GPR158: variants seen among roughly 807,000 people sequenced by gnomAD.
GPR158 encodes G protein-coupled receptor 158, also known as metabotropic glycine receptor.
In GPR158, 30 loss-of-function variants were observed where a neutral mutation model predicts 78.2. That is an observed-to-expected ratio of 0.38 (90% CI 0.29 to 0.52). GPR158 has a LOEUF of 0.52. Among genes scored for constraint, GPR158 ranks in the 20% least tolerant of loss-of-function variants. GPR158 has a pLI of 0.83. For missense variants in GPR158, 1,463 were observed against 1,523.5 expected, an observed-to-expected ratio of 0.96 and a Z score of 0.66; for synonymous variants, 581 against 591.1, an observed-to-expected ratio of 0.98 and a Z score of 0.25.
chr10:25,415,838 CT>C (rs1834651040), intron 4 of GPR158, among the ~76,000 whole-genome samples: 1 of 152,050 alleles, frequency 6.6e-6, no homozygotes, highest in Non-Finnish European at 1.5e-5. Flanking sequence ...TTACCAGGTA[CT>C]ACCAGGAAGG....
chr10:25,267,719 G>A (rs1854061737), intron 2 of GPR158, among the ~76,000 whole-genome samples: 1 of 151,978 alleles, frequency 6.6e-6, no homozygotes, highest in South Asian at 2.1e-4. Flanking sequence ...ATTTATTTTG[G>A]ATCTGTGGTT....
intron 4 of GPR158, among the ~76,000 whole-genome samples, chr10:25,429,239 A>G (rs1299684452): frequency 6.6e-6 from 1 of 152,120 alleles, no homozygotes; most frequent in East Asian, 1.9e-4. Flanking sequence ...ACATAAGTGA[A>G]TTTCAAATAA....
chr10:25,226,161 C>G lies in GPR158; in HGVS notation c.1008+5004C>G, dbSNP rs576524159. 1.2e-4 allele frequency among the ~76,000 whole-genome samples: 18 copies of G among 152,240 alleles called. No individual in the cohort carries two copies. The South Asian group carries it at 3.7e-3, about 32-fold the overall frequency. ...TCACCTATCTCTAGAGCCATGCTGT[C>G]TAGTATGATAGCCACTAGCCACATG... On this transcript the variant is annotated intron_variant, in intron 2 of 10. Coordinates refer to ENST00000376351, the MANE Select transcript of GPR158 (RefSeq NM_020752.3).
chr10:25,509,600 T>C (rs1408133341), intron 5 of GPR158, among the ~76,000 whole-genome samples: 1 of 152,220 alleles, frequency 6.6e-6, no homozygotes, highest in Non-Finnish European at 1.5e-5. Flanking sequence ...TATACACCTA[T>C]GTGTATTTTC....
At chr10:25,386,998 C>T (rs991588854) in intron 2 of GPR158, among the ~76,000 whole-genome samples, 9 of 152,070 alleles carry the variant, frequency 5.9e-5, no homozygotes, top group Admixed American at 3.3e-4. Flanking sequence ...CTGGCAAGGA[C>T]TTACAGTACT....
intron 4 of GPR158, among the ~76,000 whole-genome samples, chr10:25,445,599 G>A (rs1028544155): frequency 6.6e-6 from 1 of 152,032 alleles, no homozygotes; most frequent in Non-Finnish European, 1.5e-5. Flanking sequence ...GATTAATTAG[G>A]GATCTGTTAT....
intron 5 of GPR158, among the ~76,000 whole-genome samples, chr10:25,531,996 G>A (rs770347856): frequency 2.0e-5 from 3 of 152,096 alleles, no homozygotes; most frequent in African/African-American, 7.2e-5. Flanking sequence ...AGATCATACC[G>A]GAAATGGTGA....
chr10:25,196,399 T>C (rs752559672), intron 1 of GPR158, among the ~76,000 whole-genome samples: 1 of 152,228 alleles, frequency 6.6e-6, no homozygotes, highest in Non-Finnish European at 1.5e-5. Context: ...AATTTAAATA[T>C]CTATAAAGTC....
chr10:25,405,872 T>G (rs576327141), intron 3 of GPR158, among the ~76,000 whole-genome samples: 1 of 152,250 alleles, frequency 6.6e-6, no homozygotes, highest in South Asian at 2.1e-4. Flanking sequence ...ACATCATGAT[T>G]AGAGTTATCT....
At chr10:25,391,821 A>T (rs1564442839) in intron 2 of GPR158, among the ~76,000 whole-genome samples, 1 of 152,114 alleles carries the variant, frequency 6.6e-6, no homozygotes, top group Non-Finnish European at 1.5e-5. Context: ...GTGGAATGAT[A>T]TGGTTTGGCT....
chr10:25,269,790 G>A (rs1382691236), intron 2 of GPR158, among the ~76,000 whole-genome samples: 3 of 152,168 alleles, frequency 2.0e-5, no homozygotes, highest in African/African-American at 7.2e-5. Flanking sequence ...ACAAGTTGTT[G>A]CATATATTGT....
chr10:25,482,663 A>T (rs1412666913), intron 5 of GPR158, among the ~76,000 whole-genome samples: 2 of 151,898 alleles, frequency 1.3e-5, no homozygotes, highest in Admixed American at 1.3e-4. Context: ...AGCTTAATAT[A>T]CTCTGCGTGC....
intron 4 of GPR158, among the ~76,000 whole-genome samples, chr10:25,447,439 C>T (rs946222119): frequency 2.0e-5 from 3 of 152,204 alleles, no homozygotes; most frequent in Admixed American, 1.3e-4. Context: ...GTGTGGTGCT[C>T]TGTCTGAGTC....
At chr10:25,575,197 G>T (rs1485975055) in intron 7 of GPR158, among the ~76,000 whole-genome samples, 1 of 152,202 alleles carries the variant, frequency 6.6e-6, no homozygotes, top group African/African-American at 2.4e-5. Context: ...AGTATATTGT[G>T]AGTTTATTAA....
intron 2 of GPR158, among the ~76,000 whole-genome samples, chr10:25,227,866 CAT>C (rs911790644): frequency 5.9e-5 from 9 of 152,082 alleles, no homozygotes; most frequent in African/African-American, 1.9e-4. Flanking sequence ...AGTCTTCACA[CAT>C]ATTTAAGAAG....
chr10:25,317,731 GT>G (rs1554793362), intron 2 of GPR158, among the ~76,000 whole-genome samples: 7 of 118,616 alleles, frequency 5.9e-5, no homozygotes, highest in African/African-American at 7.0e-5. Context: ...TTTTTGTTTT[GT>G]TTTGTTTTGT....
At chr10:25,462,001 A>G (rs767106161) in intron 4 of GPR158, among the ~76,000 whole-genome samples, 5 of 152,138 alleles carry the variant, frequency 3.3e-5, no homozygotes, top group Non-Finnish European at 4.4e-5. Context: ...TGGCCTCCCA[A>G]CGTGCTGGGA....
intron 5 of GPR158, among the ~76,000 whole-genome samples, chr10:25,540,941 T>TAA (rs1186802503): frequency 1.1e-4 from 7 of 63,672 alleles, no homozygotes; most frequent in South Asian, 6.6e-4. Context: ...TAAAGTATAA[T>TAA]AAAAATATAT....
intron 2 of GPR158, among the ~76,000 whole-genome samples, chr10:25,246,982 T>C (rs1853700847): frequency 6.6e-6 from 1 of 152,200 alleles, no homozygotes; most frequent in African/African-American, 2.4e-5. Context: ...AATCATTCCA[T>C]TGGAAGCCTC....
Sources: gnomAD v4.1 joint callset for allele counts (sites outside exome capture counted in the v4.1 genomes callset) on GRCh38, gnomAD v4.1.1 for gene constraint, MANE v1.5 for transcripts, NCBI Gene and HGNC (gene_info 2026-07-23, HGNC 2026-07-21) for gene names.